The following PRDM16 variants were observed in gnomAD, a reference collection of about 807,000 sequenced individuals.
PRDM16 encodes PR/SET domain 16.
In PRDM16, 23 loss-of-function variants were observed where a neutral mutation model predicts 110.6. The observed-to-expected ratio is 0.21, with a 90% CI of 0.15 to 0.29. PRDM16 has a LOEUF of 0.29. Ranked by LOEUF, PRDM16 falls within the 10% of genes least tolerant of loss-of-function variation. PRDM16 has a pLI of 1.00. For synonymous variants in PRDM16, 799 were observed against 781.8 expected, an observed-to-expected ratio of 1.02 and a Z score of -0.37; for missense variants, 1,615 against 1,794.3, an observed-to-expected ratio of 0.90 and a Z score of 1.81.
rs142788889 is a variant in PRDM16 at position 3,273,969 on chromosome 1, G to A, written c.438+29832G>A. Among the ~76,000 whole-genome samples the A allele has an allele frequency of 5.3e-3, 719 of 136,536 alleles. 5 individuals are homozygous for A. Among genetic ancestry groups the A allele is most frequent in the South Asian group, 0.02 (86 of 4,404 alleles). 89.6% of individuals were successfully genotyped at this position (136,536 alleles called of 152,430 possible). A position where few individuals can be genotyped will look rare whatever the true frequency, so the allele number is the denominator to read the frequency against. On this transcript the variant is annotated intron_variant, in intron 3 of 16. Coordinates refer to ENST00000270722, the MANE Select transcript of PRDM16 (RefSeq NM_022114.4). ...CGTTCTCTCACCGTGGACTTGGTAT[G>A]GGGAGGTAAAAAAAAAAAAAAAAAA...
At chr1:3,286,632 T>C (rs903607526) in intron 3 of PRDM16, among the ~76,000 whole-genome samples, 2 of 152,000 alleles carry the variant, frequency 1.3e-5, no homozygotes, top group African/African-American at 4.8e-5. Context: ...CATAAGGGCC[T>C]GAGGGCCTGG....
chr1:3,210,640 C>G (rs902980844), intron 2 of PRDM16, among the ~76,000 whole-genome samples: 8 of 152,248 alleles, frequency 5.3e-5, no homozygotes, highest in Non-Finnish European at 1.2e-4. Flanking sequence ...GAATCTGTGG[C>G]TGAACTTATG....
chr1:3,072,296 G>A (rs537542939), intron 1 of PRDM16, among the ~76,000 whole-genome samples: 16 of 152,304 alleles, frequency 1.1e-4, no homozygotes, highest in South Asian at 6.2e-4. Context: ...GATCACCATC[G>A]CCCTCATAGC....
intron 1 of PRDM16, among the ~76,000 whole-genome samples, chr1:3,169,720 T>C (rs972955931): frequency 2.0e-5 from 3 of 152,218 alleles, no homozygotes; most frequent in Non-Finnish European, 4.4e-5. Flanking sequence ...CCACCGTCTC[T>C]GGCTCCTGTA....
In PRDM16 at chr1:3,390,937, G is replaced by T. The variant is rs1643290672; in HGVS notation, c.574-5554G>T. 6.7e-6 allele frequency among the ~76,000 whole-genome samples: 1 copy of T among 150,110 alleles called. No homozygotes were observed. On this transcript the variant is annotated intron_variant, in intron 4 of 16. Transcript: ENST00000270722. The surrounding 1 kb of genome is among the most constrained non-coding windows in gnomAD (Gnocchi z 5.0). ...TGCAACCTCCGCCTCCCGGGTTCAAGCGATTCTCCTGTCTCAGCCTCTCAA... is the reference window on the plus strand; with the variant it reads ...TGCAACCTCCGCCTCCCGGGTTCAATCGATTCTCCTGTCTCAGCCTCTCAA...
At chr1:3,162,360 A>T (rs541917310) in intron 1 of PRDM16, among the ~76,000 whole-genome samples, 187 of 152,246 alleles carry the variant, frequency 1.2e-3, no homozygotes, top group South Asian at 6.4e-3. Flanking sequence ...CGCAGCCGCG[A>T]AGCCTCGGTT....
intron 3 of PRDM16, among the ~76,000 whole-genome samples, chr1:3,365,904 A>G (rs1376212022): frequency 6.6e-6 from 1 of 151,224 alleles, no homozygotes; most frequent in Admixed American, 6.6e-5. Context: ...GCACGTGCAC[A>G]CACATGCACA....
chr1:3,420,167 CAATA>C, intron 12 of PRDM16, among the ~76,000 whole-genome samples: 1 of 152,164 alleles, frequency 6.6e-6, no homozygotes, highest in East Asian at 1.9e-4. Context: ...ACTTTGGTAA[CAATA>C]ATTGCTTTGC....
In PRDM16 at chr1:3,425,789, C is replaced by T. The variant is rs748011879; in HGVS notation, c.3109+39C>T. ...GGTGGGGCAGCCCCCAGAGCACCCA[C>T]ACGGGCAGGCCCCACAGAGGGGGAG... On this transcript the variant is annotated intron_variant, in intron 13 of 16. Coordinates refer to ENST00000270722, the MANE Select transcript of PRDM16 (RefSeq NM_022114.4). This position sits in a 1 kb window ranked among gnomAD's most constrained non-coding sequence, Gnocchi z 6.9. The T allele has an allele frequency of 9.3e-6, 15 of 1,609,178 alleles. No homozygotes were observed. In the East Asian group the frequency reaches 2.0e-4, roughly 22 times the overall value.
At chr1:3,207,477 A>G (rs1333441151) in intron 2 of PRDM16, 1 of 152,228 alleles carries the variant, frequency 6.6e-6, no homozygotes, top group East Asian at 1.9e-4. Context: ...GATACAGGAG[A>G]CAATGCTCTT....
At chr1:3,134,538 C>T (rs1040202104) in intron 1 of PRDM16, among the ~76,000 whole-genome samples, 8 of 152,364 alleles carry the variant, frequency 5.3e-5, no homozygotes, top group Non-Finnish European at 1.2e-4. Flanking sequence ...CCTGGGAAGC[C>T]CCGTCCTGCT....
intron 3 of PRDM16, among the ~76,000 whole-genome samples, chr1:3,349,660 C>T (rs1457783680): frequency 2.0e-5 from 3 of 152,216 alleles, no homozygotes; most frequent in East Asian, 3.9e-4. Context: ...CCCGTGAAAG[C>T]CAGCCTTGGA....
At chr1:3,325,317 G>A (rs748812866) in intron 3 of PRDM16, among the ~76,000 whole-genome samples, 4 of 152,196 alleles carry the variant, frequency 2.6e-5, no homozygotes, top group South Asian at 2.1e-4. Context: ...CCCAGGGTAC[G>A]CACAGCTGCA....
intron 5 of PRDM16, among the ~76,000 whole-genome samples, chr1:3,399,299 T>C (rs542635549): frequency 5.9e-5 from 9 of 152,186 alleles, no homozygotes; most frequent in Non-Finnish European, 1.5e-5. Context: ...AGATCAGAGA[T>C]AATAAGATGG....
chr1:3,411,978 G>C lies in PRDM16; in HGVS notation c.1781G>C (p.Arg594Thr), dbSNP rs773722995. 6 of 1,613,596 alleles carry C rather than the reference G, an allele frequency of 3.7e-6. No homozygotes were observed. The highest frequency in any genetic ancestry group is 5.1e-6 in the Non-Finnish European group (6 of 1,180,006). Residue 594 changes from arginine (R) to threonine (T), a missense_variant, in exon 9 of 17, where the codon AGG (arginine) becomes ACG (threonine). Physicochemically the swap from Arg to Thr is moderately conservative, Grantham distance 71. This residue lies in a region of PRDM16 where 772 missense variants were observed against 748.3 expected (regional missense o/e 1.03). Coordinates refer to ENST00000270722, the MANE Select transcript of PRDM16 (RefSeq NM_022114.4). Reference protein sequence around the residue: ...EDSCVEKLKTRSSDMSDGSDF... With the variant: ...EDSCVEKLKTTSSDMSDGSDF... ...TCCTGTGTGGAGAAGCTGAAGACCAGGAGCAGCGACATGTCGGACGGCAGT... is the reference window on the plus strand; with the variant it reads ...TCCTGTGTGGAGAAGCTGAAGACCACGAGCAGCGACATGTCGGACGGCAGT...
At chr1:3,113,275 C>T (rs1408125621) in intron 1 of PRDM16, among the ~76,000 whole-genome samples, 1 of 152,194 alleles carries the variant, frequency 6.6e-6, no homozygotes, top group African/African-American at 2.4e-5. Context: ...GCATCAGGTG[C>T]AGGGGAGTGG....
chr1:3,091,366 C>T (rs552478944), intron 1 of PRDM16, among the ~76,000 whole-genome samples: 5 of 152,322 alleles, frequency 3.3e-5, no homozygotes, highest in African/African-American at 1.2e-4. Context: ...CAGGCCCGCA[C>T]CGAGACGACA....
chr1:3,137,849 C>T (rs552006601), intron 1 of PRDM16, among the ~76,000 whole-genome samples: 3 of 152,378 alleles, frequency 2.0e-5, no homozygotes, highest in African/African-American at 7.2e-5. Flanking sequence ...CCTGACCTCA[C>T]GAGCCAGGTC....
rs767432596 is a variant in PRDM16, at chr1:3,412,316, G to C, written c.2119G>C (p.Gly707Arg). The C allele has an allele frequency of 4.3e-6, 7 of 1,613,748 alleles. No homozygotes were observed. In the Admixed American group the frequency reaches 6.7e-5, roughly 15 times the overall value. The change falls in exon 9 of 17, where the codon GGC becomes CGC. Residue 707 changes from glycine (G) to arginine (R), a missense_variant. Physicochemically the swap from Gly to Arg is moderately radical, Grantham distance 125. This residue lies in a region of PRDM16 where 772 missense variants were observed against 748.3 expected (regional missense o/e 1.03). Transcript: ENST00000270722. ...ASIAEKYFGP[G>R]FMGMQEKKLG... Reference sequence around the variant, plus strand: ...CATTGCCGAGAAGTACTTTGGCCCCGGCTTCATGGGGATGCAGGAGAAGAA... The same window carrying C: ...CATTGCCGAGAAGTACTTTGGCCCCCGCTTCATGGGGATGCAGGAGAAGAA...
Sources: gnomAD v4.1 joint callset for allele counts (sites outside exome capture counted in the v4.1 genomes callset) on GRCh38, gnomAD v4.1.1 for gene constraint, gnomAD v4.1.1 regional missense constraint, Gnocchi (gnomAD v3.1) non-coding constraint, MANE v1.5 for transcripts, NCBI Gene and HGNC (gene_info 2026-07-23, HGNC 2026-07-21) for gene names.